Variants in RRBP1 observed in about 807,000 individuals in gnomAD.
RRBP1 encodes the protein ribosome binding protein 1.
A neutral mutation model predicts 165.2 loss-of-function variants in RRBP1; 94 were observed. The observed-to-expected ratio is 0.57, with a 90% confidence interval of 0.48 to 0.68. The LOEUF is 0.68. RRBP1 is among the 30% of genes least tolerant of loss of function. The pLI, the probability that RRBP1 is intolerant of heterozygous loss-of-function variation, is 0.00. For missense variants in RRBP1, 1,676 were observed against 1,763.0 expected (o/e 0.95, Z 0.88); for synonymous variants, 680 against 714.5 (o/e 0.95, Z 0.77).
chr20:17,635,477 G>T, intron 7 of RRBP1, 69 bp downstream of exon 7: 3 of 1,184,766 alleles, frequency 2.5e-6, no homozygotes, highest in Non-Finnish European at 3.6e-6. Flanking sequence ...TGCCCTGGCC[G>T]CAGCCTCGTG....
At chr20:17,664,704 G>A (rs983884881) in intron 2 of RRBP1, among the ~76,000 whole-genome samples, 5 of 152,328 alleles carry the variant, frequency 3.3e-5, no homozygotes, top group Non-Finnish European at 7.3e-5. Context: ...TGGGATTTTG[G>A]TAGGTTTTGT....
Position 17,659,837 on chromosome 20 carries a change from C to A in RRBP1, c.671G>T (p.Gly224Val), listed in dbSNP as rs550141562. 6.4e-7 allele frequency: 1 copy of A among 1,551,416 alleles called. No individual in the cohort carries two copies. The highest frequency in any genetic ancestry group is 2.4e-5 in the East Asian group (1 of 40,920). The change falls in exon 3 of 25, where the codon GGA (glycine) becomes GTA (valine). Residue 224 changes from glycine (G) to valine (V), a missense_variant. Gly to Val is a moderately radical substitution (Grantham distance 109). This residue lies in a region of RRBP1 where 392 missense variants were observed against 382.5 expected (regional missense o/e 1.02). Transcript: ENST00000377813. ...TGTCTTTTTGCCCTGGTTTGGGGTT[C>A]CCTCTGCCTTTCTGCCCTGGTTTGG... ...GAPNQGRKAE[G>V]TPNQGKKTEG...
At chr20:17,620,519 T>A in intron 17 of RRBP1, 149 bp from the exon 18 acceptor site, 2 of 838,868 alleles carry the variant, frequency 2.4e-6, no homozygotes, top group Non-Finnish European at 2.0e-6. Flanking sequence ...CCTGGCGCCA[T>A]CTGGCAGTGT....
chr20:17,621,408 T>C (rs1438348360), intron 16 of RRBP1, 50 bp downstream of exon 16: 2 of 1,456,514 alleles, frequency 1.4e-6, no homozygotes, highest in Non-Finnish European at 1.9e-6. Flanking sequence ...GAAGCTCTCC[T>C]TCCCTGCAGC....
intron 3 of RRBP1, among the ~76,000 whole-genome samples, chr20:17,646,488 G>C (rs962445626): frequency 6.6e-6 from 1 of 152,188 alleles, no homozygotes. Context: ...TGGACAAGTG[G>C]CTTAACCTTC....
chr20:17,649,273 C>T (rs911505634), intron 3 of RRBP1, among the ~76,000 whole-genome samples: 2 of 152,148 alleles, frequency 1.3e-5, no homozygotes, highest in African/African-American at 2.4e-5. Flanking sequence ...CAACTGCCGG[C>T]GAGAAGGGCA....
chr20:17,641,412 C>A (rs1158465961), intron 5 of RRBP1: 5 of 228,358 alleles, frequency 2.2e-5, no homozygotes. Flanking sequence ...AACCTTGAAT[C>A]TACTGTGGCC....
chr20:17,653,637 A>G (rs2036597154), intron 3 of RRBP1, among the ~76,000 whole-genome samples: 2 of 152,132 alleles, frequency 1.3e-5, no homozygotes, highest in African/African-American at 4.8e-5. Context: ...GGAGTTCAAG[A>G]CCAGCTGCCA....
chr20:17,679,308 G>A (rs1321022416), intron 2 of RRBP1, among the ~76,000 whole-genome samples: 1 of 152,194 alleles, frequency 6.6e-6, no homozygotes, highest in Non-Finnish European at 1.5e-5. Context: ...GTATGGGGGC[G>A]CTGTCCGCCT....
At chr20:17,619,799 G>T in intron 18 of RRBP1, 71 bp from the exon 19 acceptor site, 1 of 1,189,246 alleles carries the variant, frequency 8.4e-7, no homozygotes, top group Non-Finnish European at 1.2e-6. Context: ...ACCTCAGGGA[G>T]CAGGCTGGCC....
In RRBP1 at chr20:17,619,385, TCGGGGCAGGG is replaced by T. The variant is rs2035864152; in HGVS notation, c.3675+238_3675+247del. 68 of 411,512 alleles carry T rather than the reference TCGGGGCAGGG, an allele frequency of 1.7e-4. No homozygotes were observed. In the East Asian group the frequency reaches 2.4e-3, roughly 15 times the overall value. The allele number at this position is 411,512 out of a possible 1,614,324, so 25.5% of individuals were successfully genotyped here. A position where few individuals can be genotyped will look rare whatever the true frequency, so the allele number is the denominator to read the frequency against. ...TAACCTAGAACGTCAAACGCCTCCC[TCGGGGCAGGG>T]CTGCCTGGCTCTGCCCCTGTCCTGG... On this transcript the variant is annotated intron_variant, in intron 19 of 24. Transcript: ENST00000377813.
intron 18 of RRBP1, 28 bp from the exon 19 acceptor site, chr20:17,619,756 C>A: frequency 6.6e-7 from 1 of 1,523,878 alleles, no homozygotes; most frequent in Non-Finnish European, 9.0e-7. Flanking sequence ...CACGCACACG[C>A]ATGCGCCAGC....
At chr20:17,674,716 C>A (rs1264915797) in intron 2 of RRBP1, among the ~76,000 whole-genome samples, 1 of 152,048 alleles carries the variant, frequency 6.6e-6, no homozygotes, top group African/African-American at 2.4e-5. Flanking sequence ...CTGAGATGCA[C>A]CACTGCACTC....
In RRBP1 at chr20:17,620,305, C is replaced by T. The variant is rs138279227; in HGVS notation, c.3573G>A (p.Ser1191=). The T allele has an allele frequency of 9.8e-5, 158 of 1,612,822 alleles. No individual in the cohort carries two copies. The highest frequency in any genetic ancestry group is 8.4e-4 in the African/African-American group (63 of 75,000). ...VEKLKGELES[S]DQVREHTSHL... is the part of the protein sequence containing the mutation. ...CTCTGAGCAGAGCACATACCTGGTC[C>T]GAACTTTCAAGTTCTCCTTTTAGCT... Residue 1191 remains serine (S), a synonymous_variant, in exon 18 of 25, where the codon TCG becomes TCA. Transcript: ENST00000377813.
intron 19 of RRBP1, 122 bp downstream of exon 19, chr20:17,619,511 G>T: frequency 1.5e-6 from 1 of 653,376 alleles, no homozygotes; most frequent in Non-Finnish European, 2.5e-6. Context: ...GCAAACGCCT[G>T]AGGACTCGGA....
intron 3 of RRBP1, among the ~76,000 whole-genome samples, chr20:17,646,221 G>A (rs1350715728): frequency 6.6e-6 from 1 of 152,206 alleles, no homozygotes; most frequent in Non-Finnish European, 1.5e-5. Flanking sequence ...AACCCTCAAA[G>A]CCACAGGCCT....
chr20:17,637,775 A>G (rs1478971530), intron 5 of RRBP1, among the ~76,000 whole-genome samples: 1 of 152,160 alleles, frequency 6.6e-6, no homozygotes, highest in Non-Finnish European at 1.5e-5. Context: ...CACTTTTCAA[A>G]GACAATCATC....
In RRBP1 at chr20:17,620,286, G is replaced by A; in HGVS notation, c.3579+13C>T. ...CGGGACAAGAGAAAGAGTTCTCTGA[G>A]CAGAGCACATACCTGGTCCGAACTT... On this transcript the variant is annotated intron_variant, in intron 18 of 24. Coordinates refer to ENST00000377813, the MANE Select transcript of RRBP1 (RefSeq NM_001365613.2). The A allele has an allele frequency of 1.2e-6, 2 of 1,600,930 alleles. No individual in the cohort carries two copies. The highest frequency in any genetic ancestry group is 1.1e-5 in the South Asian group (1 of 90,818).
At chr20:17,667,101 G>A (rs1044371908) in intron 2 of RRBP1, among the ~76,000 whole-genome samples, 1 of 152,150 alleles carries the variant, frequency 6.6e-6, no homozygotes, top group African/African-American at 2.4e-5. Flanking sequence ...CTTGGTATTA[G>A]GGTCTCTTGA....
Sources: gnomAD v4.1 joint callset for allele counts (sites outside exome capture counted in the v4.1 genomes callset) on GRCh38, gnomAD v4.1.1 for gene constraint, gnomAD v4.1.1 regional missense constraint, MANE v1.5 for transcripts, NCBI Gene and HGNC (gene_info 2026-07-23, HGNC 2026-07-21) for gene names.